CCDC149: variants seen among roughly 807,000 people sequenced by gnomAD.
CCDC149 encodes the protein coiled-coil domain-containing protein 149.
CCDC149 carries 45 observed loss-of-function variants against 59.9 expected under a neutral mutation model. The ratio of observed to expected loss-of-function variants is 0.75; its 90% CI spans 0.59 to 0.96. The LOEUF (loss-of-function observed/expected upper bound fraction) is 0.96, where lower values mean the gene tolerates loss of function less well. CCDC149 is among the 40% of genes least tolerant of loss of function. The pLI is 0.00. For synonymous variants in CCDC149, 245 were observed against 260.6 expected (o/e 0.94, Z 0.58); for missense variants, 584 against 664.7 (o/e 0.88, Z 1.33).
chr4:24,917,643 CG>C (rs1722168178), upstream of CCDC149, among the ~76,000 whole-genome samples: 4 of 151,916 alleles, frequency 2.6e-5, no homozygotes, highest in African/African-American at 7.3e-5. Context: ...GGGAGGAGAG[CG>C]GAAAACCGTG....
rs917339702 is a variant in CCDC149, at chr4:24,952,348, T to G, written c.-65+27721A>C. Among the ~76,000 whole-genome samples the G allele has an allele frequency of 6.6e-5, 10 of 152,000 alleles. No homozygotes were observed. In the East Asian group the frequency reaches 1.7e-3, roughly 26 times the overall value. Reference sequence around the variant, plus strand: ...GGCTCATCCCTGTAATCCCAGCATTTTGGGATGCCAAGGCAGGAGGATCAC... The same window carrying G: ...GGCTCATCCCTGTAATCCCAGCATTGTGGGATGCCAAGGCAGGAGGATCAC... On this transcript the variant is annotated intron_variant, in intron 1 of 12. Coordinates refer to the CCDC149 transcript ENST00000389609.
chr4:24,840,245 T>C (rs146328973), intron 4 of CCDC149, among the ~76,000 whole-genome samples: 6 of 152,232 alleles, frequency 3.9e-5, no homozygotes, highest in African/African-American at 9.6e-5. Context: ...AAAAGCACCA[T>C]TGGGACTGGG....
downstream of CCDC149, among the ~76,000 whole-genome samples, chr4:24,805,285 C>G (rs1437833620): frequency 6.6e-6 from 1 of 152,182 alleles, no homozygotes; most frequent in Admixed American, 6.5e-5. Context: ...ACAAACACGT[C>G]TGAACAGGCA....
chr4:24,863,172 A>C (rs1467254211), intron 3 of CCDC149, among the ~76,000 whole-genome samples: 3 of 152,198 alleles, frequency 2.0e-5, no homozygotes, highest in African/African-American at 7.2e-5. Context: ...ATGCACCCGT[A>C]GTCCCAGCTA....
intron 3 of CCDC149, among the ~76,000 whole-genome samples, chr4:24,862,004 T>A (rs540947052): frequency 7.2e-4 from 110 of 152,296 alleles, no homozygotes; most frequent in African/African-American, 2.5e-3. Flanking sequence ...TTTGAGATGG[T>A]GTCACCCACT....
chr4:24,952,663 A>ATT (rs1723350756), intron 1 of CCDC149, among the ~76,000 whole-genome samples: 1 of 130,342 alleles, frequency 7.7e-6, no homozygotes, highest in Non-Finnish European at 1.6e-5. Context: ...ATATATATAT[A>ATT]TAGTGGTAAA....
chr4:24,922,691 A>G (rs1203935705), intron 1 of CCDC149, among the ~76,000 whole-genome samples: 1 of 152,120 alleles, frequency 6.6e-6, no homozygotes, highest in African/African-American at 2.4e-5. Flanking sequence ...TAGTTCAAGG[A>G]GATACTACAA....
chr4:24,875,329 C>CA (rs1253460363), intron 2 of CCDC149, among the ~76,000 whole-genome samples: 3,531 of 103,772 alleles, frequency 0.034, 158 homozygotes, highest in African/African-American at 0.11. Context: ...GAATCCGTCT[C>CA]AAAAAAAAAA....
intron 2 of CCDC149, among the ~76,000 whole-genome samples, chr4:24,874,244 G>GTTTTTTTTTTTTTGTTTTTTTTTTTT (rs1719242320): frequency 1.1e-5 from 1 of 87,488 alleles, no homozygotes; most frequent in African/African-American, 5.8e-5. Context: ...TATTAGATTT[G>GTTTTTTTTTTTTTGTTTTTTTTTTTT]TTTTTTTTTT....
intron 9 of CCDC149, among the ~76,000 whole-genome samples, chr4:24,825,258 T>C (rs1057101732): frequency 5.9e-5 from 9 of 152,164 alleles, no homozygotes; most frequent in African/African-American, 1.9e-4. Flanking sequence ...CACAAAAACA[T>C]ACATGGACGG....
intron 1 of CCDC149, among the ~76,000 whole-genome samples, chr4:24,882,865 G>A (rs17593908): frequency 0.061 from 9,260 of 152,266 alleles, 363 homozygotes; most frequent in Middle Eastern, 0.099. Flanking sequence ...GATGATGAAT[G>A]TGTGACTAAA....
intron 12 of CCDC149, among the ~76,000 whole-genome samples, chr4:24,812,659 A>T (rs913333289): frequency 2.6e-5 from 4 of 152,224 alleles, no homozygotes; most frequent in African/African-American, 9.6e-5. Context: ...CAATAAAGAC[A>T]TACCCAAGAC....
chr4:24,915,620 G>A (rs550378839), upstream of CCDC149, among the ~76,000 whole-genome samples: 14 of 152,248 alleles, frequency 9.2e-5, no homozygotes, highest in South Asian at 2.9e-3. Context: ...AATAAAGCTG[G>A]GGAGCAAAAT....
intron 1 of CCDC149, among the ~76,000 whole-genome samples, chr4:24,885,528 C>T (rs1167016935): frequency 2.0e-5 from 3 of 152,202 alleles, no homozygotes; most frequent in Admixed American, 6.5e-5. Flanking sequence ...CAGACTCATG[C>T]GTGGTTTCAG....
intron 9 of CCDC149, chr4:24,828,354 A>T (rs555148399): frequency 6.6e-6 from 1 of 152,082 alleles, no homozygotes; most frequent in African/African-American, 2.4e-5. Context: ...GCATTTGCTT[A>T]TACTGTCTAT....
At chr4:24,979,170 A>T (rs1277668721) in intron 1 of CCDC149, among the ~76,000 whole-genome samples, 2 of 152,180 alleles carry the variant, frequency 1.3e-5, no homozygotes, top group Admixed American at 6.5e-5. Context: ...ATATCTCCTT[A>T]CTGTCCCTGT....
intron 1 of CCDC149, among the ~76,000 whole-genome samples, chr4:24,902,821 T>G (rs55762701): frequency 0.094 from 14,335 of 151,898 alleles, 872 homozygotes; most frequent in Non-Finnish European, 0.14. Flanking sequence ...CTCAAGAATA[T>G]GAGACTGGCC....
chr4:24,963,957 G>A (rs900517834), intron 1 of CCDC149, among the ~76,000 whole-genome samples: 2 of 152,322 alleles, frequency 1.3e-5, no homozygotes, highest in Middle Eastern at 3.4e-3. Flanking sequence ...CACTTTGGGA[G>A]GCCAAGGCAG....
At chr4:24,870,124 C>A (rs2109230077) in intron 3 of CCDC149, among the ~76,000 whole-genome samples, 1 of 152,266 alleles carries the variant, frequency 6.6e-6, no homozygotes, top group Middle Eastern at 3.4e-3. Flanking sequence ...TACAGAATGT[C>A]CAGTTACATT....
Sources: allele counts gnomAD v4.1 joint callset (sites outside exome capture counted in the v4.1 genomes callset), GRCh38; gene constraint gnomAD v4.1.1; transcripts MANE v1.5; gene names NCBI Gene and HGNC (gene_info 2026-07-23, HGNC 2026-07-21).